The following GPR158 variants were observed in gnomAD, a reference collection of about 807,000 sequenced individuals.
GPR158 encodes the protein metabotropic glycine receptor.
Under a neutral mutation model 78.2 loss-of-function variants are expected in GPR158, and 30 were observed. The observed-to-expected ratio is 0.38, with a 90% CI of 0.29 to 0.52. The LOEUF (loss-of-function observed/expected upper bound fraction) is 0.52, where lower values mean the gene tolerates loss of function less well. Among genes scored for constraint, GPR158 ranks in the 20% least tolerant of loss-of-function variants. The pLI, the probability that GPR158 is intolerant of heterozygous loss-of-function variation, is 0.83. For synonymous variants in GPR158, 581 were observed against 591.1 expected, an observed-to-expected ratio of 0.98 and a Z score of 0.25; for missense variants, 1,463 against 1,523.5, an observed-to-expected ratio of 0.96 and a Z score of 0.66.
chr10:25,273,515 G>C (rs1854144512), intron 2 of GPR158, among the ~76,000 whole-genome samples: 1 of 146,608 alleles, frequency 6.8e-6, no homozygotes, highest in South Asian at 2.2e-4. Flanking sequence ...CAGATACAAA[G>C]ACTTATGAGG....
At chr10:25,273,329 G>A (rs1445596927) in intron 2 of GPR158, among the ~76,000 whole-genome samples, 2 of 147,222 alleles carry the variant, frequency 1.4e-5, no homozygotes, top group African/African-American at 4.9e-5. Context: ...AGGAGAAGAA[G>A]TTTAACAAAT....
intron 2 of GPR158, among the ~76,000 whole-genome samples, chr10:25,327,102 T>C (rs1352370588): frequency 1.3e-5 from 2 of 152,162 alleles, no homozygotes; most frequent in Non-Finnish European, 2.9e-5. Context: ...TTCTTAATTG[T>C]CAATTGCACC....
At chr10:25,350,211 C>A (rs74123868) in intron 2 of GPR158, among the ~76,000 whole-genome samples, 1,655 of 151,874 alleles carry the variant, frequency 0.011, 30 homozygotes, top group African/African-American at 0.038. Flanking sequence ...ATGGGAGGGG[C>A]AACCCCATTC....
chr10:25,370,078 C>G (rs1441582008), intron 2 of GPR158, among the ~76,000 whole-genome samples: 1 of 149,320 alleles, frequency 6.7e-6, no homozygotes, highest in South Asian at 2.2e-4. Flanking sequence ...ATTAGTCTTG[C>G]TAGCGGTCTA....
intron 2 of GPR158, among the ~76,000 whole-genome samples, chr10:25,242,889 A>G (rs1414879973): frequency 6.6e-6 from 1 of 152,210 alleles, no homozygotes; most frequent in Non-Finnish European, 1.5e-5. Context: ...TGCCTCTTTC[A>G]GACATGGGTC....
At chr10:25,241,176 T>TCTTTCTTTCTTTCTTTC in intron 2 of GPR158, among the ~76,000 whole-genome samples, 1 of 96,456 alleles carries the variant, frequency 1.0e-5, no homozygotes, top group East Asian at 3.4e-4. Flanking sequence ...TTTCTTTCTT[T>TCTTTCTTTCTTTCTTTC]CTTTCTTTCT....
intron 2 of GPR158, among the ~76,000 whole-genome samples, chr10:25,377,010 G>T (rs891329561): frequency 6.6e-6 from 1 of 151,572 alleles, no homozygotes; most frequent in Non-Finnish European, 1.5e-5. Flanking sequence ...ATATGTGTAG[G>T]TGTTATTTTC....
intron 5 of GPR158, among the ~76,000 whole-genome samples, chr10:25,470,435 G>T (rs1013718391): frequency 6.6e-6 from 1 of 151,916 alleles, no homozygotes; most frequent in African/African-American, 2.4e-5. Context: ...GAAACCGGAT[G>T]CTGACACTTT....
intron 4 of GPR158, among the ~76,000 whole-genome samples, chr10:25,439,942 T>C (rs1426928539): frequency 6.6e-6 from 1 of 152,184 alleles, no homozygotes; most frequent in African/African-American, 2.4e-5. Flanking sequence ...CGTTTTCTCT[T>C]TCCGTTGAAT....
intron 2 of GPR158, among the ~76,000 whole-genome samples, chr10:25,297,867 A>G (rs1171778764): frequency 1.3e-5 from 2 of 152,202 alleles, no homozygotes; most frequent in African/African-American, 4.8e-5. Flanking sequence ...AAGTTTATAT[A>G]TAATGTTTGC....
At chr10:25,514,696 T>G (rs1172744546) in intron 5 of GPR158, among the ~76,000 whole-genome samples, 1 of 152,206 alleles carries the variant, frequency 6.6e-6, no homozygotes, top group Non-Finnish European at 1.5e-5. Flanking sequence ...TAGCAGTTCT[T>G]GTAGTGCTGG....
chr10:25,291,466 C>A (rs1269099893), intron 2 of GPR158, among the ~76,000 whole-genome samples: 1 of 151,936 alleles, frequency 6.6e-6, no homozygotes, highest in Non-Finnish European at 1.5e-5. Context: ...AAAGAGGATA[C>A]AATGGCTTCA....
intron 5 of GPR158, among the ~76,000 whole-genome samples, chr10:25,513,000 G>A (rs969141706): frequency 1.8e-4 from 28 of 151,862 alleles, no homozygotes; most frequent in African/African-American, 6.8e-4. Context: ...TTCTTTTTTT[G>A]TTATGCTATT....
In GPR158 at chr10:25,505,996, G is replaced by T. The variant is rs190456717; in HGVS notation, c.1404+39277G>T. On this transcript the variant is annotated intron_variant, in intron 5 of 10. Coordinates refer to ENST00000376351, the MANE Select transcript of GPR158 (RefSeq NM_020752.3). Reference sequence around the variant, plus strand: ...TCTGAATTCCTCCATAGCAAATGCAGGTCTTAGCTTTCTTTGTGGTCCAAC... The same window carrying T: ...TCTGAATTCCTCCATAGCAAATGCATGTCTTAGCTTTCTTTGTGGTCCAAC... Among the ~76,000 whole-genome samples, 611 of 152,024 alleles carry T rather than the reference G, an allele frequency of 4.0e-3. 3 individuals carry two copies. Among genetic ancestry groups the T allele is most frequent in the African/African-American group, 0.014 (574 of 41,342 alleles).
intron 2 of GPR158, among the ~76,000 whole-genome samples, chr10:25,235,737 T>C (rs1017677492): frequency 2.1e-5 from 3 of 143,566 alleles, no homozygotes; most frequent in Non-Finnish European, 3.0e-5. Flanking sequence ...CTCTCTGTCA[T>C]CCAGGCTGGA....
intron 2 of GPR158, chr10:25,244,715 C>A (rs1218377563): frequency 2.0e-5 from 3 of 152,128 alleles, no homozygotes; most frequent in African/African-American, 7.2e-5. Flanking sequence ...TTGGGCTACT[C>A]TTGACCCTAA....
chr10:25,467,428 G>A (rs1216390982), intron 5 of GPR158, among the ~76,000 whole-genome samples: 1 of 152,106 alleles, frequency 6.6e-6, no homozygotes, highest in African/African-American at 2.4e-5. Flanking sequence ...TCTTACAGAT[G>A]AAAATTTGCC....
chr10:25,195,145 T>C (rs971665319), intron 1 of GPR158, among the ~76,000 whole-genome samples: 1 of 151,142 alleles, frequency 6.6e-6, no homozygotes, highest in African/African-American at 2.5e-5. Context: ...ATTGCCTTTT[T>C]ATTATGTTAA....
At position 25,175,243 on chromosome 10, in the gene GPR158, A is replaced by C; in HGVS notation, c.-178A>C. 1.9e-6 allele frequency: 1 copy of C among 524,600 alleles called. No homozygotes were observed. Among genetic ancestry groups the C allele is most frequent in the Non-Finnish European group, 3.3e-6 (1 of 299,218 alleles). 32.5% of individuals were successfully genotyped at this position (524,600 alleles called of 1,614,324 possible). Reference sequence around the variant, plus strand: ...CAGGTGACTTGATTTCTGCGACGGTAGCTTAGCCACCCGGGGCCAATCTCG... The same window carrying C: ...CAGGTGACTTGATTTCTGCGACGGTCGCTTAGCCACCCGGGGCCAATCTCG... On this transcript the variant is annotated 5_prime_UTR_variant, in exon 1 of 11. Transcript: ENST00000376351. This position sits in a 1 kb window ranked among gnomAD's most constrained non-coding sequence, Gnocchi z 6.4.
Sources: gnomAD v4.1 joint callset for allele counts (sites outside exome capture counted in the v4.1 genomes callset) on GRCh38, gnomAD v4.1.1 for gene constraint, Gnocchi (gnomAD v3.1) non-coding constraint, MANE v1.5 for transcripts, NCBI Gene and HGNC (gene_info 2026-07-23, HGNC 2026-07-21) for gene names.